Variants in PIKFYVE observed in about 807,000 individuals in gnomAD.
PIKFYVE encodes the protein 1-phosphatidylinositol 3-phosphate 5-kinase.
In PIKFYVE, 122 loss-of-function variants were observed where a neutral mutation model predicts 257.9. The ratio of observed to expected loss-of-function variants is 0.47; its 90% CI spans 0.41 to 0.55. The LOEUF (loss-of-function observed/expected upper bound fraction) is 0.55, where lower values mean the gene tolerates loss of function less well. PIKFYVE is among the 20% of genes least tolerant of loss of function. The pLI is 0.00. For synonymous variants in PIKFYVE, 892 were observed against 868.9 expected, an observed-to-expected ratio of 1.03 and a Z score of -0.47; for missense variants, 2,160 against 2,536.6, an observed-to-expected ratio of 0.85 and a Z score of 3.19.
intron 4 of PIKFYVE, among the ~76,000 whole-genome samples, chr2:208,277,294 C>T (rs1690237465): frequency 6.6e-6 from 1 of 152,018 alleles, no homozygotes; most frequent in African/African-American, 2.4e-5. Context: ...TTTTTCTATC[C>T]TTGTACCAGT....
At chr2:208,346,244 A>G (rs1699220832) in intron 34 of PIKFYVE, 97 bp downstream of exon 34, 1 of 945,114 alleles carries the variant, frequency 1.1e-6, no homozygotes, top group Non-Finnish European at 1.7e-6. Flanking sequence ...CTATCTGGCA[A>G]TGATTTACTA....
At chr2:208,277,198 C>T (rs1431155889) in intron 4 of PIKFYVE, among the ~76,000 whole-genome samples, 1 of 152,130 alleles carries the variant, frequency 6.6e-6, no homozygotes, top group African/African-American at 2.4e-5. Flanking sequence ...GACCATCTTT[C>T]ACTGATTGCA....
chr2:208,304,893 A>G lies in PIKFYVE; in HGVS notation c.1516A>G (p.Thr506Ala), dbSNP rs762919760. 1 of 1,614,146 alleles carries G rather than the reference A, an allele frequency of 6.2e-7. No individual in the cohort carries two copies. Among genetic ancestry groups the G allele is most frequent in the South Asian group, 1.1e-5 (1 of 91,078 alleles). The change falls in exon 12 of 42, where the codon ACA becomes GCA. Residue 506 changes from threonine (T) to alanine (A), a missense_variant. Physicochemically the swap from Thr to Ala is moderately conservative, Grantham distance 58. This residue lies in a region of PIKFYVE where 346 missense variants were observed against 365.6 expected (regional missense o/e 0.95). Transcript: ENST00000264380. Reference sequence around the variant, plus strand: ...CACATCAGTCAGCAGTTTCCAGTCCACAGTGGACAGTGACTCAGCCGCTTC... The same window carrying G: ...CACATCAGTCAGCAGTTTCCAGTCCGCAGTGGACAGTGACTCAGCCGCTTC... ...KRTSVSSFQS[T>A]VDSDSAASIS...
At chr2:208,353,805 A>G (rs996534880) in intron 39 of PIKFYVE, 93 bp from the exon 40 acceptor site, 5 of 1,432,952 alleles carry the variant, frequency 3.5e-6, no homozygotes, top group Non-Finnish European at 3.9e-6. Flanking sequence ...GGTAGTGACT[A>G]TAAGGAGTCT....
In PIKFYVE at chr2:208,347,987, A is replaced by G; in HGVS notation, c.5338A>G (p.Lys1780Glu). The change falls in exon 35 of 42, where the codon AAG becomes GAG. Residue 1780 changes from lysine to glutamate, a missense_variant. This residue lies in a region of PIKFYVE where 699 missense variants were observed against 855.8 expected (regional missense o/e 0.82). Transcript: ENST00000264380. ...TTACTACCAGGTTGGGCAGACGGGC[A>G]AGGAGGGGACCGAGAATCAAGGCGT... ...SAYYQVGQTGKEGTENQGVEP... is the reference protein window; with the variant it reads ...SAYYQVGQTGEEGTENQGVEP... The G allele has an allele frequency of 6.2e-7, 1 of 1,614,192 alleles. No homozygotes were observed. Among genetic ancestry groups the G allele is most frequent in the Non-Finnish European group, 8.5e-7 (1 of 1,180,016 alleles).
intron 12 of PIKFYVE, among the ~76,000 whole-genome samples, chr2:208,310,020 TAATA>T (rs951043259): frequency 7.2e-5 from 11 of 152,224 alleles, no homozygotes. Context: ...AAAAGTCTCT[TAATA>T]AATATTACTG....
intron 9 of PIKFYVE, 42 bp from the exon 10 acceptor site, chr2:208,302,196 TCTGA>T (rs749267181): frequency 1.3e-5 from 20 of 1,542,340 alleles, no homozygotes; most frequent in Non-Finnish European, 1.2e-5. Flanking sequence ...ACTTAACTAT[TCTGA>T]CTGACTTTTA....
Position 208,326,126 on chromosome 2 carries a change from G to C in PIKFYVE, c.3315G>C (p.Gln1105His). ...FKEMENRRKK[Q>H]LLRDLSGLQG... ...AAATGGAGAACAGGAGGAAGAAACA[G>C]CTGCTCAGGGATCTCTCTGGACTTC... The change falls in exon 20 of 42, where the codon CAG becomes CAC. Residue 1105 changes from glutamine (Q) to histidine (H), a missense_variant. Physicochemically the swap from Gln to His is conservative, Grantham distance 24. Around this residue, in one of 12 missense-constraint regions of PIKFYVE, gnomAD observed 522 missense variants for 514.6 expected, o/e 1.01. Coordinates refer to ENST00000264380, the MANE Select transcript of PIKFYVE (RefSeq NM_015040.4). 6.2e-7 allele frequency: 1 copy of C among 1,614,148 alleles called. No individual in the cohort carries two copies.
chr2:208,284,334 C>T (rs1477375404), intron 5 of PIKFYVE, among the ~76,000 whole-genome samples: 1 of 150,360 alleles, frequency 6.7e-6, no homozygotes, highest in Non-Finnish European at 1.5e-5. Context: ...AGTCTTGGCT[C>T]ACTGCAACCT....
chr2:208,305,135 T>G (rs2125364435), intron 12 of PIKFYVE, 122 bp downstream of exon 12: 2 of 1,553,406 alleles, frequency 1.3e-6, no homozygotes, highest in East Asian at 2.4e-5. Context: ...TGGTGTGGGT[T>G]TTGTTCTACC....
chr2:208,284,963 C>G (rs1446107648), intron 5 of PIKFYVE, among the ~76,000 whole-genome samples: 1 of 152,074 alleles, frequency 6.6e-6, no homozygotes, highest in Non-Finnish European at 1.5e-5. Flanking sequence ...GCTGGGATTA[C>G]AGGTGTGAGC....
chr2:208,325,088 C>G (rs950001992), intron 19 of PIKFYVE, 51 bp downstream of exon 19: 6 of 1,609,924 alleles, frequency 3.7e-6, no homozygotes, highest in Non-Finnish European at 5.1e-6. Flanking sequence ...TAACTTATCA[C>G]TACTACAATG....
Position 208,350,754 on chromosome 2 carries a change from ACTT to A in PIKFYVE, c.5435-14_5435-12del. 1 of 1,613,654 alleles carries A rather than the reference ACTT, an allele frequency of 6.2e-7. No individual in the cohort carries two copies. The highest frequency in any genetic ancestry group is 8.5e-7 in the Non-Finnish European group (1 of 1,179,784). On this transcript the variant is annotated splice_polypyrimidine_tract_variant and intron_variant, in intron 36 of 41. Transcript: ENST00000264380. ...CTGAGTCATAAAGCTTTTTAAAAAA[ACTT>A]CTGTTGTTTATAGAATTTTCAGATG...
chr2:208,311,743 C>T (rs1005524456), intron 12 of PIKFYVE, among the ~76,000 whole-genome samples: 1 of 152,102 alleles, frequency 6.6e-6, no homozygotes, highest in African/African-American at 2.4e-5. Flanking sequence ...GCCAATGTCA[C>T]TTCTGTATTA....
At position 208,328,201 on chromosome 2, in the gene PIKFYVE, A is replaced by T. The variant is rs142999483; in HGVS notation, c.3640A>T (p.Asn1214Tyr). Residue 1214 changes from asparagine to tyrosine, a missense_variant, in exon 21 of 42, where the codon AAT becomes TAT. By Grantham distance (143) the Asn-to-Tyr change is moderately radical (BLOSUM62 -2). Transcript: ENST00000264380. ...TCAGGTGGACTGTCTGAATCCCATT[A>T]ATCACCAGAGACTTTGTGTGCTCTT... ...STKVDCLNPI[N>Y]HQRLCVLFSS... is the part of the protein sequence containing the mutation. The T allele has an allele frequency of 1.6e-4, 265 of 1,613,738 alleles. 1 individual carries two copies. The highest frequency in any genetic ancestry group is 3.3e-4 in the South Asian group (30 of 91,092).
chr2:208,338,539 T>G lies in PIKFYVE; in HGVS notation c.4643T>G (p.Ile1548Ser), dbSNP rs781040284. The change falls in exon 29 of 42, where the codon ATT becomes AGT. Residue 1548 changes from isoleucine to serine, a missense_variant. Transcript: ENST00000264380. The part of the protein sequence containing the change: ...ISAMDASPRN[I>S]SPGLQNGEKE... The stretch of plus-strand genomic sequence containing the variant: ...GCGATGGATGCATCTCCACGGAATA[T>G]TTCTCCAGGACTTCAGAATGGAGAA... The G allele has an allele frequency of 6.2e-7, 1 of 1,613,358 alleles. No individual in the cohort carries two copies. The highest frequency in any genetic ancestry group is 1.3e-5 in the African/African-American group (1 of 74,908).
chr2:208,337,738 G>T (rs1381517021), intron 28 of PIKFYVE, among the ~76,000 whole-genome samples: 1 of 150,246 alleles, frequency 6.7e-6, no homozygotes, highest in African/African-American at 2.4e-5. Flanking sequence ...TTTTTTTTTT[G>T]AGAGATGGAG....
At chr2:208,268,800 C>G (rs990167126) in intron 1 of PIKFYVE, among the ~76,000 whole-genome samples, 2 of 151,594 alleles carry the variant, frequency 1.3e-5, no homozygotes, top group African/African-American at 4.9e-5. Context: ...TCTTCCCCCC[C>G]CAATAAACAT....
At position 208,335,372 on chromosome 2, in the gene PIKFYVE, C is replaced by G; in HGVS notation, c.4209C>G (p.Ala1403=). 6.2e-7 allele frequency: 1 copy of G among 1,612,742 alleles called. No individual in the cohort carries two copies. The change falls in exon 25 of 42, where the codon GCC becomes GCG. Residue 1403 remains alanine (A), a synonymous_variant. Coordinates refer to ENST00000264380, the MANE Select transcript of PIKFYVE (RefSeq NM_015040.4). The part of the protein sequence containing the change: ...PLPKIFIKRQ[A]PLKVSLLQDL... ...CCAAAATATTCATTAAGCGTCAGGC[C>G]CCATTAAAAGTGTCCCTTCTTCAGG...
Sources: allele counts gnomAD v4.1 joint callset (sites outside exome capture counted in the v4.1 genomes callset), GRCh38; gene constraint gnomAD v4.1.1; regional missense constraint gnomAD v4.1.1; transcripts MANE v1.5; gene names NCBI Gene and HGNC (gene_info 2026-07-23, HGNC 2026-07-21).